NPSR1: variants seen among roughly 807,000 people sequenced by gnomAD.
The protein encoded by NPSR1 is neuropeptide S receptor 1.
In NPSR1, 48 loss-of-function variants were observed where a neutral mutation model predicts 46.9. The ratio of observed to expected loss-of-function variants is 1.02; its 90% CI spans 0.81 to 1.30. NPSR1 has a LOEUF of 1.30. Ranked by LOEUF, NPSR1 falls within the 50% of genes most tolerant of loss-of-function variation. The probability of loss-of-function intolerance (pLI) is 0.00; values close to 1 mark genes in which losing one functional copy is unlikely to be tolerated. For synonymous variants in NPSR1, 176 were observed against 168.1 expected (o/e 1.05, Z -0.36); for missense variants, 450 against 449.5 (o/e 1.00, Z -0.01).
chr7:34,725,079 G>C (rs1009821675), intron 2 of NPSR1, among the ~76,000 whole-genome samples: 2 of 147,160 alleles, frequency 1.4e-5, no homozygotes, highest in Non-Finnish European at 1.5e-5. Flanking sequence ...ACCCTTCTAA[G>C]TACCCACACA....
At chr7:34,807,679 G>C (rs977928424) in intron 3 of NPSR1, among the ~76,000 whole-genome samples, 33 of 151,952 alleles carry the variant, frequency 2.2e-4, no homozygotes, top group Admixed American at 6.6e-5. Context: ...TAGATTTTAG[G>C]GAAGTTTTAA....
In NPSR1 at chr7:34,706,589, C is replaced by G. The variant is rs968790541; in HGVS notation, c.280+21905C>G. 1.4e-4 allele frequency among the ~76,000 whole-genome samples: 21 copies of G among 152,032 alleles called. No homozygotes were observed. The South Asian group carries it at 1.7e-3, about 12-fold the overall frequency. ...CATTCTTCCTTTGTATTATCTGGTG[C>G]CTTTTTATTTCTGTCAGCTTCTTGG... On this transcript the variant is annotated intron_variant, in intron 2 of 8. Transcript: ENST00000360581.
chr7:34,689,968 AG>A (rs1386181111), intron 2 of NPSR1, among the ~76,000 whole-genome samples: 2 of 149,076 alleles, frequency 1.3e-5, no homozygotes, highest in African/African-American at 5.0e-5. Flanking sequence ...AAAAAAAAAA[AG>A]GAAAAGAAAA....
intron 1 of NPSR1, among the ~76,000 whole-genome samples, chr7:34,670,738 A>G (rs1022880433): frequency 2.6e-5 from 4 of 151,998 alleles, no homozygotes; most frequent in African/African-American, 9.7e-5. Flanking sequence ...GATTAAATAC[A>G]GAGTTAAAAG....
At chr7:34,776,410 T>G (rs1023014426) in intron 2 of NPSR1, among the ~76,000 whole-genome samples, 1 of 152,152 alleles carries the variant, frequency 6.6e-6, no homozygotes. Flanking sequence ...TTTACAATTG[T>G]TATATTCTCT....
chr7:34,810,451 G>A (rs967426695), intron 3 of NPSR1, among the ~76,000 whole-genome samples: 10 of 152,136 alleles, frequency 6.6e-5, no homozygotes, highest in Non-Finnish European at 1.5e-4. Flanking sequence ...TAAAAGGTGT[G>A]GGTAAAGTTA....
chr7:34,659,867 T>C (rs1402711132), intron 1 of NPSR1, among the ~76,000 whole-genome samples: 2 of 152,162 alleles, frequency 1.3e-5, no homozygotes, highest in Non-Finnish European at 2.9e-5. Flanking sequence ...AGCACAGGAC[T>C]CCACTCAGTA....
chr7:34,703,409 AT>A (rs11476210), intron 2 of NPSR1, among the ~76,000 whole-genome samples: 57,534 of 149,538 alleles, frequency 0.38, 11,570 homozygotes, highest in African/African-American at 0.5. Context: ...TAAATAAAGC[AT>A]TTTTTTTTTC....
intron 5 of NPSR1, among the ~76,000 whole-genome samples, chr7:34,833,880 A>G (rs1021401316): frequency 1.3e-5 from 2 of 152,188 alleles, no homozygotes; most frequent in African/African-American, 4.8e-5. Flanking sequence ...CAAGACAGGC[A>G]CTACATTCTA....
At chr7:34,751,724 G>A in intron 2 of NPSR1, 1 of 1,582,866 alleles carries the variant, frequency 6.3e-7, no homozygotes, top group South Asian at 1.1e-5. Flanking sequence ...GACTCCTTCG[G>A]GTCCCCCTGA....
At chr7:34,808,855 T>C (rs1162856189) in intron 3 of NPSR1, among the ~76,000 whole-genome samples, 2 of 152,208 alleles carry the variant, frequency 1.3e-5, no homozygotes, top group Non-Finnish European at 2.9e-5. Context: ...GATGCATTTC[T>C]TTTAGGTAAC....
At chr7:34,845,533 G>T (rs984678159) in intron 7 of NPSR1, 1 of 454,232 alleles carries the variant, frequency 2.2e-6, no homozygotes, top group Admixed American at 2.4e-5. Context: ...TGGTGCCCCG[G>T]CTTACTTCCT....
At chr7:34,870,554 G>A (rs372148160) in intron 8 of NPSR1, among the ~76,000 whole-genome samples, 1 of 151,814 alleles carries the variant, frequency 6.6e-6, no homozygotes, top group East Asian at 1.9e-4. Flanking sequence ...TATTCACAAT[G>A]TGAATGCCTT....
intron 2 of NPSR1, chr7:34,753,838 C>T (rs1785674913): frequency 6.6e-6 from 1 of 151,604 alleles, no homozygotes; most frequent in Non-Finnish European, 1.5e-5. Context: ...CCTGTCTCTA[C>T]AAAAATAAAA....
chr7:34,811,617 A>G (rs1430420547), intron 3 of NPSR1, among the ~76,000 whole-genome samples, 153 bp from the exon 4 acceptor site: 1 of 152,102 alleles, frequency 6.6e-6, no homozygotes, highest in Non-Finnish European at 1.5e-5. Context: ...TCTCTTGTCC[A>G]TGTAAGAGAG....
At chr7:34,660,579 AT>A (rs1791406696) in intron 1 of NPSR1, among the ~76,000 whole-genome samples, 1 of 152,204 alleles carries the variant, frequency 6.6e-6, no homozygotes, top group Non-Finnish European at 1.5e-5. Flanking sequence ...AGTAAAAAAA[AT>A]AGCATGAAAA....
At chr7:34,669,625 T>A (rs1168306451) in intron 1 of NPSR1, among the ~76,000 whole-genome samples, 2 of 152,100 alleles carry the variant, frequency 1.3e-5, no homozygotes, top group Non-Finnish European at 2.9e-5. Context: ...ATATGCATTT[T>A]CCAAGTCTAT....
intron 3 of NPSR1, among the ~76,000 whole-genome samples, chr7:34,808,134 T>C (rs1788801350): frequency 6.6e-6 from 1 of 152,172 alleles, no homozygotes; most frequent in South Asian, 2.1e-4. Flanking sequence ...CGCCAAGGAC[T>C]GCTGGCAGTC....
chr7:34,821,572 G>A (rs1789562626), intron 4 of NPSR1, among the ~76,000 whole-genome samples: 1 of 152,200 alleles, frequency 6.6e-6, no homozygotes. Context: ...GAAATTGCAG[G>A]AGGGAAGTCC....
Sources: allele counts gnomAD v4.1 joint callset (sites outside exome capture counted in the v4.1 genomes callset), GRCh38; gene constraint gnomAD v4.1.1; transcripts MANE v1.5; gene names NCBI Gene and HGNC (gene_info 2026-07-23, HGNC 2026-07-21).